Variants in KDM7A observed in about 807,000 individuals in gnomAD.
KDM7A encodes lysine demethylase 7A.
In KDM7A, 28 loss-of-function variants were observed where a neutral mutation model predicts 114.8. That is an observed-to-expected ratio of 0.24 (90% confidence interval 0.18 to 0.33). KDM7A has a LOEUF of 0.33. KDM7A is among the 10% of genes least tolerant of loss of function. The pLI, the probability that KDM7A is intolerant of heterozygous loss-of-function variation, is 1.00. For missense variants in KDM7A, 942 were observed against 1,142.5 expected, an observed-to-expected ratio of 0.82 and a Z score of 2.53; for synonymous variants, 423 against 397.8, an observed-to-expected ratio of 1.06 and a Z score of -0.75.
At position 140,091,789 on chromosome 7, in the gene KDM7A, A is replaced by C. The variant is rs1160393159; in HGVS notation, c.2731+15T>G. 1.9e-6 allele frequency: 3 copies of C among 1,609,204 alleles called. No individual in the cohort carries two copies. Among genetic ancestry groups the C allele is most frequent in the Non-Finnish European group, 2.5e-6 (3 of 1,177,858 alleles). ...AGTCAGAAATATACTTTCTCTATACATGTGTGAAAGTTACCTTTTGTTGCC... is the reference window on the plus strand; with the variant it reads ...AGTCAGAAATATACTTTCTCTATACCTGTGTGAAAGTTACCTTTTGTTGCC... On this transcript the variant is annotated intron_variant, in intron 19 of 19. Transcript: ENST00000397560.
In KDM7A at chr7:140,100,681, C is replaced by CAT. The variant is rs1318217688; in HGVS notation, c.1639-660_1639-659dup. Among the ~76,000 whole-genome samples, 400 of 44,244 alleles carry CAT rather than the reference C, an allele frequency of 9.0e-3. 6 individuals carry two copies. The highest frequency in any genetic ancestry group is 0.021 in the African/African-American group (218 of 10,514). The allele number at this position is 44,244 out of a possible 152,430, so 29.0% of individuals were successfully genotyped here. ...AAAGTTATATATATATATATATATA[C>CAT]ATATATACATATATATATATATATA... is the stretch of plus-strand genomic sequence containing the variant. On this transcript the variant is annotated intron_variant, in intron 12 of 19. Transcript: ENST00000397560.
intron 7 of KDM7A, among the ~76,000 whole-genome samples, chr7:140,121,555 G>A (rs1029020401): frequency 1.3e-5 from 2 of 152,094 alleles, no homozygotes; most frequent in Non-Finnish European, 2.9e-5. Flanking sequence ...TCTCAATAGC[G>A]GCAGTACTGC....
intron 9 of KDM7A, among the ~76,000 whole-genome samples, chr7:140,114,340 G>A (rs999131901): frequency 6.6e-6 from 1 of 152,100 alleles, no homozygotes; most frequent in Non-Finnish European, 1.5e-5. Flanking sequence ...ATTGGTTTTC[G>A]TATTTTTTTG....
At chr7:140,131,543 G>C (rs767190609) in intron 3 of KDM7A, among the ~76,000 whole-genome samples, 3 of 152,166 alleles carry the variant, frequency 2.0e-5, no homozygotes, top group Non-Finnish European at 4.4e-5. Flanking sequence ...TAAGGCCTAA[G>C]AAAACTGAGA....
At chr7:140,113,442 C>A in intron 10 of KDM7A, 49 bp downstream of exon 10, 1 of 1,109,270 alleles carries the variant, frequency 9.0e-7, no homozygotes, top group South Asian at 1.3e-5. Context: ...CTCTGTTTTC[C>A]TAATCTTGTG....
At chr7:140,096,518 T>C (rs1459745332) in intron 17 of KDM7A, 37 bp downstream of exon 17, 2 of 1,486,382 alleles carry the variant, frequency 1.3e-6, no homozygotes, top group African/African-American at 1.4e-5. Flanking sequence ...GGGCAACATA[T>C]GTTACTTTTT....
intron 1 of KDM7A, among the ~76,000 whole-genome samples, chr7:140,148,302 A>C (rs956375751): frequency 2.0e-5 from 3 of 151,902 alleles, no homozygotes; most frequent in African/African-American, 2.4e-5. Flanking sequence ...CTCTCTCTCG[A>C]GTCAGTCTGC....
At chr7:140,093,984 T>TA (rs1818063453) in intron 18 of KDM7A, 72 bp downstream of exon 18, 1 of 961,120 alleles carries the variant, frequency 1.0e-6, no homozygotes. Context: ...GTTACAGTTT[T>TA]AAAAAAGAAA....
intron 3 of KDM7A, among the ~76,000 whole-genome samples, chr7:140,132,447 C>T (rs1818803395): frequency 6.6e-6 from 1 of 152,098 alleles, no homozygotes; most frequent in South Asian, 2.1e-4. Context: ...ACACTCCCAA[C>T]TGACTCTAAA....
chr7:140,128,755 C>A (rs1328965498), intron 4 of KDM7A, among the ~76,000 whole-genome samples: 1 of 152,160 alleles, frequency 6.6e-6, no homozygotes, highest in Non-Finnish European at 1.5e-5. Flanking sequence ...AGTAAATATA[C>A]AATTTTGAGT....
chr7:140,092,002 A>G lies in KDM7A; in HGVS notation c.2533T>C (p.Tyr845His), dbSNP rs757302001. ...EISQRVQSRN[Y>H]VDSSGSSLQN... ...AGGCTTGAGCCGCTGCTGTCCACAT[A>G]ATTCCTACTTTGTACCCTCTGACTA... The change falls in exon 19 of 20, where the codon TAT becomes CAT. Residue 845 changes from tyrosine (Y) to histidine (H), a missense_variant. Around this residue, in one of 4 missense-constraint regions of KDM7A, gnomAD observed 512 missense variants for 576.6 expected, o/e 0.89. Transcript: ENST00000397560. The G allele has an allele frequency of 6.2e-7, 1 of 1,614,000 alleles. No homozygotes were observed.
chr7:140,172,407 A>C (rs541491606), intron 1 of KDM7A, among the ~76,000 whole-genome samples: 14 of 152,160 alleles, frequency 9.2e-5, no homozygotes, highest in Non-Finnish European at 2.1e-4. Context: ...TAATCCCAGC[A>C]CTTTGGGAGG....
chr7:140,172,607 T>TGCGCCACTGCACTCCAGCCTGG (rs1794658346), intron 1 of KDM7A, among the ~76,000 whole-genome samples: 1 of 151,742 alleles, frequency 6.6e-6, no homozygotes, highest in Non-Finnish European at 1.5e-5. Flanking sequence ...GAGCTGAGAT[T>TGCGCCACTGCACTCCAGCCTGG]GCGCCACTGC....
At chr7:140,147,534 A>C (rs1262881619) in intron 1 of KDM7A, among the ~76,000 whole-genome samples, 2 of 152,158 alleles carry the variant, frequency 1.3e-5, no homozygotes, top group Non-Finnish European at 2.9e-5. Flanking sequence ...TCAGAAATTC[A>C]CCTTCTCATC....
chr7:140,164,965 A>C (rs925523875), intron 1 of KDM7A, among the ~76,000 whole-genome samples: 1 of 152,238 alleles, frequency 6.6e-6, no homozygotes, highest in Non-Finnish European at 1.5e-5. Flanking sequence ...CATTCGGTTG[A>C]ATGATAATCA....
At chr7:140,155,399 T>C (rs1270039831) in intron 1 of KDM7A, among the ~76,000 whole-genome samples, 2 of 152,254 alleles carry the variant, frequency 1.3e-5, no homozygotes, top group Non-Finnish European at 2.9e-5. Context: ...AGGTATAATC[T>C]AGCACCACAA....
chr7:140,148,089 A>C lies in KDM7A; in HGVS notation c.195-8899T>G, dbSNP rs150841956. ...GGTTCCAGTCAGCCAACACTGCCCT[A>C]ATCAACAGCGTATTAGCTACGAGGT... On this transcript the variant is annotated intron_variant, in intron 1 of 19. Coordinates refer to ENST00000397560, the MANE Select transcript of KDM7A (RefSeq NM_030647.2). Among the ~76,000 whole-genome samples, 289 of 152,282 alleles carry C rather than the reference A, an allele frequency of 1.9e-3. 1 individual carries two copies. Among genetic ancestry groups the C allele is most frequent in the Non-Finnish European group, 3.1e-3 (210 of 68,018 alleles).
chr7:140,097,926 G>A (rs1818142137), intron 14 of KDM7A, among the ~76,000 whole-genome samples: 1 of 152,098 alleles, frequency 6.6e-6, no homozygotes. Context: ...TTTCTTTCCA[G>A]AAGAAAAATG....
intron 11 of KDM7A, among the ~76,000 whole-genome samples, chr7:140,105,028 A>C (rs1562947483): frequency 6.6e-6 from 1 of 152,124 alleles, no homozygotes; most frequent in Non-Finnish European, 1.5e-5. Flanking sequence ...TCGGATTCCT[A>C]GGTATTTTAC....
Sources: gnomAD v4.1 joint callset for allele counts (sites outside exome capture counted in the v4.1 genomes callset) on GRCh38, gnomAD v4.1.1 for gene constraint, gnomAD v4.1.1 regional missense constraint, MANE v1.5 for transcripts, NCBI Gene and HGNC (gene_info 2026-07-23, HGNC 2026-07-21) for gene names.